GRK3: variants seen among roughly 807,000 people sequenced by gnomAD.
GRK3 encodes the protein adrenergic, beta, receptor kinase 2.
In GRK3, 54 loss-of-function variants were observed where a neutral mutation model predicts 95.7. The ratio of observed to expected loss-of-function variants is 0.56; its 90% CI spans 0.45 to 0.71. The LOEUF is 0.71. Among genes scored for constraint, GRK3 ranks in the 30% least tolerant of loss-of-function variants. GRK3 has a pLI of 0.00. For synonymous variants in GRK3, 281 were observed against 290.8 expected (o/e 0.97, Z 0.34); for missense variants, 649 against 851.2 (o/e 0.76, Z 2.96).
chr22:25,642,757 G>C (rs529966611), intron 2 of GRK3, among the ~76,000 whole-genome samples: 2 of 152,272 alleles, frequency 1.3e-5, no homozygotes, highest in South Asian at 4.1e-4. Flanking sequence ...TTAGGATAAT[G>C]GCCTTCAGTT....
chr22:25,633,589 G>A (rs2084679562), intron 2 of GRK3, among the ~76,000 whole-genome samples: 1 of 151,928 alleles, frequency 6.6e-6, no homozygotes, highest in Non-Finnish European at 1.5e-5. Context: ...TGTTGCTTAA[G>A]TTTAAATTTC....
intron 11 of GRK3, 43 bp downstream of exon 11, chr22:25,687,710 G>A (rs368323041): frequency 6.2e-7 from 1 of 1,608,204 alleles, no homozygotes; most frequent in Non-Finnish European, 8.5e-7. Context: ...TAGGTATTGT[G>A]TGAATGGTCC....
chr22:25,632,901 A>G (rs1477664871), intron 2 of GRK3, among the ~76,000 whole-genome samples: 1 of 151,854 alleles, frequency 6.6e-6, no homozygotes, highest in Admixed American at 6.6e-5. Flanking sequence ...TATCTTTATA[A>G]TATATCCTTT....
At chr22:25,572,164 A>G (rs1045438698) in intron 1 of GRK3, among the ~76,000 whole-genome samples, 5 of 152,122 alleles carry the variant, frequency 3.3e-5, no homozygotes, top group African/African-American at 1.2e-4. Flanking sequence ...AGCTTCATCT[A>G]TGTCCCTACA....
intron 13 of GRK3, 125 bp downstream of exon 13, chr22:25,695,339 T>C (rs3730114): frequency 0.098 from 62,407 of 636,844 alleles, 10,563 homozygotes; most frequent in African/African-American, 0.58. Context: ...CTTTAAGCCA[T>C]GTGCTAATCT....
chr22:25,603,445 T>A (rs1313041428), intron 1 of GRK3, among the ~76,000 whole-genome samples: 1 of 152,252 alleles, frequency 6.6e-6, no homozygotes, highest in African/African-American at 2.4e-5. Context: ...TATGTCAAAG[T>A]TGAATGTATG....
At chr22:25,634,813 T>C (rs2084688212) in intron 2 of GRK3, among the ~76,000 whole-genome samples, 1 of 152,220 alleles carries the variant, frequency 6.6e-6, no homozygotes, top group Non-Finnish European at 1.5e-5. Context: ...AAATTTCTAA[T>C]AGTTAAAAGC....
chr22:25,602,703 A>G (rs13054045), intron 1 of GRK3, among the ~76,000 whole-genome samples: 2 of 152,208 alleles, frequency 1.3e-5, no homozygotes, highest in South Asian at 4.1e-4. Context: ...GCCAGACACA[A>G]CAGACAACAT....
chr22:25,702,975 G>C, intron 13 of GRK3: 2 of 432,206 alleles, frequency 4.6e-6, no homozygotes, highest in South Asian at 3.3e-5. Context: ...GAGCTGTGGA[G>C]AATCTGCTGG....
At chr22:25,625,745 A>C (rs1164758449) in intron 2 of GRK3, among the ~76,000 whole-genome samples, 5 of 152,178 alleles carry the variant, frequency 3.3e-5, no homozygotes, top group Admixed American at 6.5e-5. Context: ...TGCCTTCTAG[A>C]TAGCAGTAGT....
In GRK3 at chr22:25,688,090, G is replaced by A. The variant is rs556565975; in HGVS notation, c.957+423G>A. Among the ~76,000 whole-genome samples, 358 of 152,160 alleles carry A rather than the reference G, an allele frequency of 2.4e-3. 1 individual carries two copies. The highest frequency in any genetic ancestry group is 0.01 in the Middle Eastern group (3 of 294). On this transcript the variant is annotated intron_variant, in intron 11 of 20. Coordinates refer to ENST00000324198, the MANE Select transcript of GRK3 (RefSeq NM_005160.4). ...TCTCTACTAAAAATACAAAAAATTA[G>A]CCGGGCGTGGTGGCAGGTGCCTGTA...
In GRK3 at chr22:25,728,909, A is replaced by G. The variant is rs2085494918; in HGVS notation, c.*6459A>G. 3 of 152,192 alleles carry G rather than the reference A, an allele frequency of 2.0e-5. No homozygotes were observed. Among genetic ancestry groups the G allele is most frequent in the Admixed American group, 2.0e-4 (3 of 15,284 alleles). The allele number at this position is 152,192 out of a possible 1,614,324, so 9.4% of individuals were successfully genotyped here. A position where few individuals can be genotyped will look rare whatever the true frequency, so the allele number is the denominator to read the frequency against. On this transcript the variant is annotated 3_prime_UTR_variant, in exon 21 of 21. Transcript: ENST00000324198. ...TCTCTGTCTGTTTTCATAGCCATCA[A>G]TATAGTAACATATTTACTATATTCT...
At chr22:25,717,501 T>C (rs1043689053) in intron 18 of GRK3, among the ~76,000 whole-genome samples, 14 of 152,286 alleles carry the variant, frequency 9.2e-5, no homozygotes, top group East Asian at 1.9e-4. Context: ...GGTTTTTGTC[T>C]CTTGTTCTCT....
chr22:25,660,868 A>G (rs1345309989), intron 3 of GRK3, among the ~76,000 whole-genome samples: 1 of 152,216 alleles, frequency 6.6e-6, no homozygotes, highest in East Asian at 1.9e-4. Flanking sequence ...AGGTTAGAGC[A>G]TTGGGAGCCA....
intron 13 of GRK3, among the ~76,000 whole-genome samples, chr22:25,698,975 C>G (rs1397517231): frequency 1.3e-5 from 2 of 152,090 alleles, no homozygotes; most frequent in Non-Finnish European, 2.9e-5. Context: ...AATTTAGATT[C>G]AAGATGATTG....
chr22:25,690,385 T>C, intron 12 of GRK3, 102 bp downstream of exon 12: 1 of 823,304 alleles, frequency 1.2e-6, no homozygotes, highest in Non-Finnish European at 2.0e-6. Flanking sequence ...TGATTTTCAA[T>C]ATGTCAGGAA....
chr22:25,698,052 G>A (rs1428826378), intron 13 of GRK3, among the ~76,000 whole-genome samples: 1 of 151,542 alleles, frequency 6.6e-6, no homozygotes, highest in African/African-American at 2.4e-5. Context: ...GGGAAGGAAA[G>A]GAGTAAGGAA....
intron 2 of GRK3, among the ~76,000 whole-genome samples, chr22:25,625,659 C>T (rs1430114536): frequency 6.6e-6 from 1 of 152,212 alleles, no homozygotes; most frequent in Admixed American, 6.5e-5. Context: ...GGAGGCCTAA[C>T]CGTCTCCCTG....
At chr22:25,629,314 G>T (rs1478787015) in intron 2 of GRK3, among the ~76,000 whole-genome samples, 5 of 152,178 alleles carry the variant, frequency 3.3e-5, no homozygotes, top group African/African-American at 4.8e-5. Flanking sequence ...ATTGCCAGGG[G>T]ATTGGTGAAG....
Sources: allele counts gnomAD v4.1 joint callset (sites outside exome capture counted in the v4.1 genomes callset), GRCh38; gene constraint gnomAD v4.1.1; transcripts MANE v1.5; gene names NCBI Gene and HGNC (gene_info 2026-07-23, HGNC 2026-07-21).